DYNC2H1: variants seen among roughly 807,000 people sequenced by gnomAD.
DYNC2H1 encodes the protein dynein cytoplasmic 2 heavy chain 1, also known as cytoplasmic dynein 2 heavy chain 1.
In DYNC2H1, 410 loss-of-function variants were observed where a neutral mutation model predicts 570.0. The observed-to-expected ratio is 0.72, with a 90% CI of 0.66 to 0.78. The LOEUF is 0.78. DYNC2H1 is among the 30% of genes least tolerant of loss of function. The pLI is 0.00. For missense variants in DYNC2H1, 4,865 were observed against 5,046.4 expected, an observed-to-expected ratio of 0.96 and a Z score of 1.09; for synonymous variants, 1,688 against 1,677.6, an observed-to-expected ratio of 1.01 and a Z score of -0.15.
intron 25 of DYNC2H1, 78 bp downstream of exon 25, chr11:103,155,579 A>G (rs1341741722): frequency 6.4e-6 from 9 of 1,404,064 alleles, no homozygotes; most frequent in Non-Finnish European, 8.5e-6. Flanking sequence ...TTGTTTAAAT[A>G]CAAAAAAAGT....
At chr11:103,473,846 G>T (rs1945467397) in intron 88 of DYNC2H1, among the ~76,000 whole-genome samples, 1 of 152,118 alleles carries the variant, frequency 6.6e-6, no homozygotes, top group South Asian at 2.1e-4. Flanking sequence ...CATGAGGCTG[G>T]ATCTTCTGAT....
In DYNC2H1 at chr11:103,312,016, A is replaced by G. The variant is rs763779770; in HGVS notation, c.11632A>G (p.Arg3878Gly). 1 of 1,611,642 alleles carries G rather than the reference A, an allele frequency of 6.2e-7. No individual in the cohort carries two copies. The highest frequency in any genetic ancestry group is 1.1e-5 in the South Asian group (1 of 90,396). Residue 3878 changes from arginine (R) to glycine (G), a missense_variant, in exon 79 of 89, where the codon AGA (arginine) becomes GGA (glycine). Arg to Gly is a moderately radical substitution (Grantham distance 125). Around this residue, in one of 5 missense-constraint regions of DYNC2H1, gnomAD observed 2,401 missense variants for 2,454.6 expected, o/e 0.98. Coordinates refer to ENST00000375735, the MANE Select transcript of DYNC2H1 (RefSeq NM_001377.3). ...GTTTCATGCTGCATGTCAAGAAAGA[A>G]GAAACTATATTCCTCAGGTAAGTAA... ...AWFHAACQER[R>G]NYIPQGWTKF...
At chr11:103,132,996 T>A (rs1859354323) in intron 13 of DYNC2H1, among the ~76,000 whole-genome samples, 1 of 152,166 alleles carries the variant, frequency 6.6e-6, no homozygotes, top group Non-Finnish European at 1.5e-5. Context: ...ATTGGAACAC[T>A]GCATGCTTTT....
chr11:103,113,989 G>A, intron 2 of DYNC2H1, 114 bp from the exon 3 acceptor site: 1 of 1,196,800 alleles, frequency 8.4e-7, no homozygotes. Context: ...TTCTTATGAA[G>A]TGGAGGTAGT....
At chr11:103,112,804 T>C (rs1858177091) in intron 1 of DYNC2H1, among the ~76,000 whole-genome samples, 3 of 152,232 alleles carry the variant, frequency 2.0e-5, no homozygotes, top group Admixed American at 2.0e-4. Context: ...ACTGAGAATG[T>C]GTGTATAATG....
Position 103,198,059 on chromosome 11 carries a change from A to G in DYNC2H1, c.7835A>G (p.Lys2612Arg). ...LNSTDLKDVI[K>R]KGLIHYGRDN... ...TCTACTGATCTCAAGGATGTTATTA[A>G]AAAGGTATAATATGAATCATTAATT... The change falls in exon 48 of 89, where the codon AAA becomes AGA. Residue 2612 changes from lysine (K) to arginine (R), a missense_variant. Lys to Arg is a conservative substitution (Grantham distance 26). Around this residue, in one of 5 missense-constraint regions of DYNC2H1, gnomAD observed 2,401 missense variants for 2,454.6 expected, o/e 0.98. Transcript: ENST00000375735. 1 of 1,551,808 alleles carries G rather than the reference A, an allele frequency of 6.4e-7. No individual in the cohort carries two copies. Among genetic ancestry groups the G allele is most frequent in the Middle Eastern group, 1.7e-4 (1 of 5,992 alleles).
At chr11:103,359,261 A>G (rs1565525735) in intron 83 of DYNC2H1, among the ~76,000 whole-genome samples, 1 of 152,230 alleles carries the variant, frequency 6.6e-6, no homozygotes, top group Non-Finnish European at 1.5e-5. Flanking sequence ...GTGATCATTA[A>G]TGAAGTTGCG....
Position 103,241,137 on chromosome 11 carries a change from G to C in DYNC2H1, c.9820-2556G>C, listed in dbSNP as rs931359041. On this transcript the variant is annotated intron_variant, in intron 63 of 88. Coordinates refer to ENST00000375735, the MANE Select transcript of DYNC2H1 (RefSeq NM_001377.3). This position sits in a 1 kb window ranked among gnomAD's most constrained non-coding sequence, Gnocchi z 5.1. ...ACCTATCATCCTTCAGTAGCAACTT[G>C]TGCACCTCTTGATGATGAAATTTTT... Among the ~76,000 whole-genome samples the C allele has an allele frequency of 1.3e-5, 2 of 152,112 alleles. No homozygotes were observed. The highest frequency in any genetic ancestry group is 2.9e-5 in the Non-Finnish European group (2 of 68,020).
intron 75 of DYNC2H1, among the ~76,000 whole-genome samples, chr11:103,301,640 CTGT>C (rs1213592382): frequency 6.6e-6 from 1 of 151,800 alleles, no homozygotes; most frequent in Non-Finnish European, 1.5e-5. Context: ...TAAATTTCAC[CTGT>C]TATTAGGAAT....
rs545999937 is a variant in DYNC2H1, at chr11:103,145,951, T to C, written c.2703-1821T>C. Among the ~76,000 whole-genome samples, 95 of 152,326 alleles carry C rather than the reference T, an allele frequency of 6.2e-4. No individual in the cohort carries two copies. The highest frequency in any genetic ancestry group is 2.2e-3 in the African/African-American group (90 of 41,586). On this transcript the variant is annotated intron_variant, in intron 18 of 88. Transcript: ENST00000375735. The surrounding 1 kb of genome is among the most constrained non-coding windows in gnomAD (Gnocchi z 4.2). ...TGTAATTAGATCACTTTATGTTAAT[T>C]CATTAGCAAAATACAGTATAATATA...
rs766162022 is a variant in DYNC2H1 at position 103,125,193 on chromosome 11, A to G, written c.1755A>G (p.Glu585=). 5 of 1,613,680 alleles carry G rather than the reference A, an allele frequency of 3.1e-6. No homozygotes were observed. In the Admixed American group the frequency reaches 5.0e-5, roughly 16 times the overall value. The change falls in exon 12 of 89, where the codon GAA becomes GAG. Residue 585 remains glutamate, a synonymous_variant. Transcript: ENST00000375735. ...ATCGTTTGGTGATTCTTCTGAGAGA[A>G]GTTCGTCAGCTCTCTGCACTTGGCT... ...YSDRLVILLR[E]VRQLSALGFV...
chr11:103,377,118 C>CT (rs1941424926), intron 83 of DYNC2H1, among the ~76,000 whole-genome samples: 1 of 152,142 alleles, frequency 6.6e-6, no homozygotes, highest in African/African-American at 2.4e-5. Context: ...TAATCGGGGC[C>CT]TTTTGAGCTT....
chr11:103,321,873 T>C (rs115395778), intron 81 of DYNC2H1, among the ~76,000 whole-genome samples: 1,835 of 152,226 alleles, frequency 0.012, 42 homozygotes, highest in African/African-American at 0.042. Flanking sequence ...AATAATTCTT[T>C]ATTAGAGTAC....
At chr11:103,374,340 T>C (rs1255836588) in intron 83 of DYNC2H1, among the ~76,000 whole-genome samples, 1 of 152,202 alleles carries the variant, frequency 6.6e-6, no homozygotes, top group Non-Finnish European at 1.5e-5. Context: ...CTGCTGGCAC[T>C]TATTCTCTCC....
intron 38 of DYNC2H1, among the ~76,000 whole-genome samples, chr11:103,178,282 G>A (rs1404463858): frequency 1.3e-5 from 2 of 152,060 alleles, no homozygotes; most frequent in African/African-American, 4.8e-5. Context: ...GGTTTTTTAA[G>A]AGAATTTTTG....
At chr11:103,218,968 T>C (rs1863482602) in intron 55 of DYNC2H1, among the ~76,000 whole-genome samples, 2 of 152,198 alleles carry the variant, frequency 1.3e-5, no homozygotes, top group African/African-American at 4.8e-5. Context: ...AAGTGCAAAT[T>C]AAATGCTATA....
intron 82 of DYNC2H1, among the ~76,000 whole-genome samples, chr11:103,351,066 G>A (rs922552843): frequency 1.3e-5 from 2 of 152,090 alleles, no homozygotes; most frequent in African/African-American, 4.8e-5. Flanking sequence ...AAGTAATAAT[G>A]TTTTCTGCTT....
At chr11:103,276,810 C>T (rs1865926017) in intron 70 of DYNC2H1, among the ~76,000 whole-genome samples, 2 of 151,878 alleles carry the variant, frequency 1.3e-5, no homozygotes, top group African/African-American at 4.8e-5. Flanking sequence ...CAATGACTGT[C>T]CTTATTTCTT....
intron 39 of DYNC2H1, among the ~76,000 whole-genome samples, chr11:103,179,925 A>C (rs540382932): frequency 8.0e-4 from 122 of 151,778 alleles, no homozygotes; most frequent in African/African-American, 2.9e-3. Context: ...TATTTATCAT[A>C]CTGTAGCATT....
Sources: allele counts gnomAD v4.1 joint callset (sites outside exome capture counted in the v4.1 genomes callset), GRCh38; gene constraint gnomAD v4.1.1; regional missense constraint gnomAD v4.1.1; non-coding constraint Gnocchi (gnomAD v3.1); transcripts MANE v1.5; gene names NCBI Gene and HGNC (gene_info 2026-07-23, HGNC 2026-07-21).